KCNAB1: variants seen among roughly 807,000 people sequenced by gnomAD.
The protein encoded by KCNAB1 is voltage-gated potassium channel subunit beta-1.
KCNAB1 carries 35 observed loss-of-function variants against 64.6 expected under a neutral mutation model. The ratio of observed to expected loss-of-function variants is 0.54; its 90% CI spans 0.41 to 0.72. The LOEUF is 0.72. Among genes scored for constraint, KCNAB1 ranks in the 30% least tolerant of loss-of-function variants. The pLI is 0.00. For missense variants in KCNAB1, 401 were observed against 512.9 expected, an observed-to-expected ratio of 0.78 and a Z score of 2.11; for synonymous variants, 177 against 183.8, an observed-to-expected ratio of 0.96 and a Z score of 0.30.
chr3:156,125,977 G>A (rs896290072), intron 1 of KCNAB1, among the ~76,000 whole-genome samples: 2 of 152,324 alleles, frequency 1.3e-5, no homozygotes, highest in East Asian at 1.9e-4. Context: ...GTTTGTACAA[G>A]GCCCTGTGAC....
intron 1 of KCNAB1, among the ~76,000 whole-genome samples, chr3:156,272,798 A>G (rs979723119): frequency 6.6e-6 from 1 of 151,880 alleles, no homozygotes; most frequent in Non-Finnish European, 1.5e-5. Context: ...CATAGCTGCC[A>G]CTTCTGTGAA....
intron 8 of KCNAB1, among the ~76,000 whole-genome samples, chr3:156,513,168 T>C (rs1297969069): frequency 1.3e-5 from 2 of 151,844 alleles, no homozygotes; most frequent in Non-Finnish European, 2.9e-5. Context: ...GCCGAGATCT[T>C]GCCACTGCAC....
intron 1 of KCNAB1, among the ~76,000 whole-genome samples, chr3:156,201,993 A>G (rs1714363408): frequency 6.6e-6 from 1 of 152,170 alleles, no homozygotes; most frequent in Non-Finnish European, 1.5e-5. Flanking sequence ...GAGCAGACCA[A>G]GGGGTTCTCA....
chr3:156,284,666 G>T (rs778229096), intron 1 of KCNAB1, among the ~76,000 whole-genome samples: 4 of 152,186 alleles, frequency 2.6e-5, no homozygotes, highest in Non-Finnish European at 4.4e-5. Flanking sequence ...ATATAGTCTC[G>T]TGATGCGCCG....
chr3:156,532,032 G>GTACT (rs1312665516), intron 13 of KCNAB1, among the ~76,000 whole-genome samples: 1 of 152,100 alleles, frequency 6.6e-6, no homozygotes, highest in African/African-American at 2.4e-5. Context: ...AGTTCCTAGG[G>GTACT]TACTTACTAC....
chr3:156,451,899 T>C (rs1034757830), intron 2 of KCNAB1, among the ~76,000 whole-genome samples: 4 of 152,140 alleles, frequency 2.6e-5, no homozygotes, highest in Non-Finnish European at 5.9e-5. Flanking sequence ...CTAGGAAGTC[T>C]TCCTAGAATG....
Position 156,236,567 on chromosome 3 carries a change from G to A in KCNAB1, c.275+115681G>A, listed in dbSNP as rs576557722. On this transcript the variant is annotated intron_variant, in intron 1 of 13. Transcript: ENST00000490337. The stretch of plus-strand genomic sequence containing the variant: ...TTTGGGGGTGCTGCAGCAGCTGAAC[G>A]GTTGATGAAAACATAAGCATGCTCT... Among the ~76,000 whole-genome samples the A allele has an allele frequency of 1.7e-4, 26 of 152,248 alleles. No homozygotes were observed. The East Asian group carries it at 3.5e-3, about 20-fold the overall frequency.
intron 8 of KCNAB1, among the ~76,000 whole-genome samples, chr3:156,493,170 G>A (rs1186625002): frequency 6.6e-6 from 1 of 151,960 alleles, no homozygotes; most frequent in Non-Finnish European, 1.5e-5. Flanking sequence ...TTGATCAGAT[G>A]CCAACCCGTC....
intron 12 of KCNAB1, among the ~76,000 whole-genome samples, chr3:156,525,147 A>C (rs770166256): frequency 6.6e-6 from 1 of 152,022 alleles, no homozygotes; most frequent in Admixed American, 6.5e-5. Context: ...ACTCCTTCTT[A>C]CTAGGAAAAA....
At chr3:156,461,171 G>A (rs959850435) in intron 5 of KCNAB1, among the ~76,000 whole-genome samples, 2 of 152,102 alleles carry the variant, frequency 1.3e-5, no homozygotes, top group Non-Finnish European at 2.9e-5. Context: ...GTATCCATTC[G>A]CTATGGTTGC....
At chr3:156,147,459 G>A (rs766682235) in intron 1 of KCNAB1, among the ~76,000 whole-genome samples, 2 of 152,116 alleles carry the variant, frequency 1.3e-5, no homozygotes, top group African/African-American at 4.8e-5. Context: ...GGAAAAAAGT[G>A]ACATTGTTTA....
intron 2 of KCNAB1, among the ~76,000 whole-genome samples, chr3:156,447,947 T>C (rs916985906): frequency 6.6e-6 from 1 of 152,226 alleles, no homozygotes. Context: ...AACATGTTTT[T>C]TGAATGAGTA....
intron 8 of KCNAB1, among the ~76,000 whole-genome samples, chr3:156,476,522 T>TAC (rs10542832): frequency 0.048 from 7,053 of 147,476 alleles, 310 homozygotes; most frequent in East Asian, 0.17. Context: ...TATATATATA[T>TAC]ACACACACAC....
At chr3:156,201,170 A>T (rs749454407) in intron 1 of KCNAB1, among the ~76,000 whole-genome samples, 1 of 152,188 alleles carries the variant, frequency 6.6e-6, no homozygotes, top group Non-Finnish European at 1.5e-5. Flanking sequence ...TCCCAATGAG[A>T]TGAACCAAGT....
intron 8 of KCNAB1, among the ~76,000 whole-genome samples, chr3:156,505,753 C>T (rs931671172): frequency 2.0e-5 from 3 of 152,288 alleles, no homozygotes; most frequent in South Asian, 2.1e-4. Flanking sequence ...ATGGTGCTGG[C>T]ATCTGCTTCT....
At chr3:156,352,904 G>T (rs1458412440) in intron 1 of KCNAB1, among the ~76,000 whole-genome samples, 1 of 152,254 alleles carries the variant, frequency 6.6e-6, no homozygotes, top group African/African-American at 2.4e-5. Flanking sequence ...CTGTCATCGA[G>T]CCCATCTGTA....
intron 1 of KCNAB1, among the ~76,000 whole-genome samples, chr3:156,146,910 A>G (rs1031987506): frequency 6.6e-6 from 1 of 152,216 alleles, no homozygotes; most frequent in Non-Finnish European, 1.5e-5. Flanking sequence ...TTTAGAAAGC[A>G]AGGCCTTCAG....
At chr3:156,428,533 A>ACACACACACACACACACACACACCCC (rs59772816) in intron 2 of KCNAB1, among the ~76,000 whole-genome samples, 1 of 143,050 alleles carries the variant, frequency 7.0e-6, no homozygotes, top group African/African-American at 2.6e-5. Flanking sequence ...ACACACACAC[A>ACACACACACACACACACACACACCCC]CCCTATTGGT....
At chr3:156,486,819 A>T (rs1715252309) in intron 8 of KCNAB1, among the ~76,000 whole-genome samples, 1 of 152,174 alleles carries the variant, frequency 6.6e-6, no homozygotes, top group African/African-American at 2.4e-5. Context: ...GCAGAGGAAA[A>T]GAGTTTGAGT....
Sources: allele counts gnomAD v4.1 joint callset (sites outside exome capture counted in the v4.1 genomes callset), GRCh38; gene constraint gnomAD v4.1.1; transcripts MANE v1.5; gene names NCBI Gene and HGNC (gene_info 2026-07-23, HGNC 2026-07-21).